MACROD2: variants seen among roughly 807,000 people sequenced by gnomAD.
MACROD2 encodes mono-ADP ribosylhydrolase 2, also known as ADP-ribose glycohydrolase MACROD2.
MACROD2 carries 36 observed loss-of-function variants against 70.4 expected under a neutral mutation model. That is an observed-to-expected ratio of 0.51 (90% confidence interval 0.39 to 0.68). The LOEUF (loss-of-function observed/expected upper bound fraction) is 0.68. MACROD2 is among the 30% of genes least tolerant of loss of function. MACROD2 has a pLI of 0.00. For synonymous variants in MACROD2, 172 were observed against 178.8 expected (o/e 0.96, Z 0.30); for missense variants, 496 against 538.4 (o/e 0.92, Z 0.78).
At chr20:15,252,387 C>T (rs1237935887) in intron 6 of MACROD2, among the ~76,000 whole-genome samples, 1 of 152,180 alleles carries the variant, frequency 6.6e-6, no homozygotes, top group Non-Finnish European at 1.5e-5. Flanking sequence ...TGAGTTCTTA[C>T]TCAGGCTAGA....
intron 3 of MACROD2, among the ~76,000 whole-genome samples, chr20:14,371,596 AT>A (rs2083324076): frequency 6.6e-6 from 1 of 152,280 alleles, no homozygotes; most frequent in East Asian, 1.9e-4. Context: ...AATATAGATT[AT>A]TTTTTAATAG....
At chr20:15,459,371 T>A (rs1413320017) in intron 7 of MACROD2, among the ~76,000 whole-genome samples, 1 of 152,028 alleles carries the variant, frequency 6.6e-6, no homozygotes, top group African/African-American at 2.4e-5. Flanking sequence ...TTATCCAAGG[T>A]GAAGAAATTT....
chr20:14,967,091 CT>C (rs1247630654), intron 5 of MACROD2, among the ~76,000 whole-genome samples: 2 of 152,192 alleles, frequency 1.3e-5, no homozygotes, highest in Non-Finnish European at 2.9e-5. Flanking sequence ...ACATTGAATA[CT>C]TTTTCATGTT....
intron 6 of MACROD2, among the ~76,000 whole-genome samples, chr20:15,405,541 T>C (rs113787658): frequency 6.6e-5 from 10 of 152,296 alleles, no homozygotes; most frequent in African/African-American, 2.4e-4. Flanking sequence ...TGTCACACAC[T>C]TGTGCATGCC....
chr20:15,451,468 T>C (rs1340083787), intron 7 of MACROD2, among the ~76,000 whole-genome samples: 2 of 146,384 alleles, frequency 1.4e-5, no homozygotes, highest in Non-Finnish European at 3.0e-5. Flanking sequence ...CCTTTCTTCA[T>C]CTTTGAAATA....
chr20:15,772,709 G>T (rs1336176908), intron 8 of MACROD2, among the ~76,000 whole-genome samples: 2 of 152,040 alleles, frequency 1.3e-5, no homozygotes, highest in African/African-American at 2.4e-5. Flanking sequence ...GCAAGAGAGA[G>T]AAGAAAGAAG....
chr20:14,762,908 A>G (rs1304026733), intron 5 of MACROD2, among the ~76,000 whole-genome samples: 1 of 152,062 alleles, frequency 6.6e-6, no homozygotes, highest in Non-Finnish European at 1.5e-5. Flanking sequence ...CCAGCATGGG[A>G]GACAGAGCAA....
intron 2 of MACROD2, chr20:14,003,579 C>T (rs957262628): frequency 2.5e-6 from 1 of 402,736 alleles, no homozygotes; most frequent in Non-Finnish European, 4.9e-6. Flanking sequence ...TTAAGAAGCC[C>T]CTGCCTGATC....
chr20:14,172,984 G>A (rs1444622623), intron 3 of MACROD2, among the ~76,000 whole-genome samples: 1 of 152,180 alleles, frequency 6.6e-6, no homozygotes, highest in East Asian at 1.9e-4. Flanking sequence ...ATCACTTCTA[G>A]CTTGTAGGGT....
At chr20:15,876,575 T>G (rs899667060) in intron 9 of MACROD2, among the ~76,000 whole-genome samples, 18 of 152,198 alleles carry the variant, frequency 1.2e-4, no homozygotes, top group Admixed American at 1.2e-3. Flanking sequence ...AATAAACATA[T>G]GTGTGCGTGT....
At chr20:14,848,356 G>A (rs2073164478) in intron 5 of MACROD2, among the ~76,000 whole-genome samples, 2 of 152,270 alleles carry the variant, frequency 1.3e-5, no homozygotes, top group South Asian at 4.1e-4. Flanking sequence ...TGTAGGAATA[G>A]CTAGTGTTTT....
intron 5 of MACROD2, among the ~76,000 whole-genome samples, chr20:14,912,890 A>T (rs1056819610): frequency 1.3e-5 from 2 of 152,170 alleles, no homozygotes; most frequent in East Asian, 3.9e-4. Flanking sequence ...CCCCAAGTTT[A>T]AGATGCTTGC....
intron 8 of MACROD2, among the ~76,000 whole-genome samples, chr20:15,643,369 T>C (rs1452028398): frequency 6.6e-6 from 1 of 152,236 alleles, no homozygotes; most frequent in African/African-American, 2.4e-5. Context: ...TTCTTATCAT[T>C]CTGATGTCAT....
intron 5 of MACROD2, among the ~76,000 whole-genome samples, chr20:14,953,463 C>T (rs544426800): frequency 1.4e-4 from 21 of 152,156 alleles, no homozygotes; most frequent in East Asian, 3.9e-4. Flanking sequence ...CCTGCCACCA[C>T]GCCCAGCTAA....
At chr20:15,711,247 A>G (rs1016279875) in intron 8 of MACROD2, among the ~76,000 whole-genome samples, 1 of 152,132 alleles carries the variant, frequency 6.6e-6, no homozygotes, top group African/African-American at 2.4e-5. Flanking sequence ...AGCAGCGGAC[A>G]CTGGGTTGCA....
chr20:15,416,043 TAATGC>T (rs1221355867), intron 6 of MACROD2, among the ~76,000 whole-genome samples: 2 of 152,200 alleles, frequency 1.3e-5, no homozygotes, highest in Non-Finnish European at 2.9e-5. Flanking sequence ...CTGGTTGGAT[TAATGC>T]AGTGAACACT....
chr20:15,306,894 A>C (rs148681452), intron 6 of MACROD2, among the ~76,000 whole-genome samples: 1 of 152,314 alleles, frequency 6.6e-6, no homozygotes, highest in African/African-American at 2.4e-5. Context: ...GGCTCTGCAG[A>C]ATGTCCAAGC....
At chr20:14,202,448 A>G (rs59177302) in intron 3 of MACROD2, among the ~76,000 whole-genome samples, 4,671 of 152,126 alleles carry the variant, frequency 0.031, 78 homozygotes, top group African/African-American at 0.044. Context: ...AGTTATTTTT[A>G]CTCCATGAGA....
At chr20:15,915,682 G>T (rs73103542) in intron 10 of MACROD2, among the ~76,000 whole-genome samples, 4 of 152,094 alleles carry the variant, frequency 2.6e-5, no homozygotes, top group Non-Finnish European at 5.9e-5. Context: ...GGGTGTGGGG[G>T]TGTAGGGAGG....
Sources: allele counts gnomAD v4.1 joint callset (sites outside exome capture counted in the v4.1 genomes callset), GRCh38; gene constraint gnomAD v4.1.1; transcripts MANE v1.5; gene names NCBI Gene and HGNC (gene_info 2026-07-23, HGNC 2026-07-21).